Variants in CSGALNACT1 observed in about 807,000 individuals in gnomAD.
CSGALNACT1 encodes beta4GalNAcT-1.
A neutral mutation model predicts 51.0 loss-of-function variants in CSGALNACT1; 52 were observed. That is an observed-to-expected ratio of 1.02 (90% CI 0.82 to 1.29). CSGALNACT1 has a LOEUF of 1.29. CSGALNACT1 is among the 50% of genes most tolerant of loss of function. The pLI, the probability that CSGALNACT1 is intolerant of heterozygous loss-of-function variation, is 0.00. For synonymous variants in CSGALNACT1, 341 were observed against 254.4 expected, an observed-to-expected ratio of 1.34 and a Z score of -3.24; for missense variants, 935 against 679.2, an observed-to-expected ratio of 1.38 and a Z score of -4.19.
At chr8:19,723,603 A>G (rs2063241025) in intron 1 of CSGALNACT1, among the ~76,000 whole-genome samples, 1 of 152,244 alleles carries the variant, frequency 6.6e-6, no homozygotes, top group South Asian at 2.1e-4. Flanking sequence ...ATGAAGAGGA[A>G]GGCACAGCAA....
In CSGALNACT1 at chr8:19,680,160, TG is replaced by T. The variant is rs565381830; in HGVS notation, c.-544+2312del. Among the ~76,000 whole-genome samples the T allele has an allele frequency of 3.0e-3, 458 of 152,314 alleles. 5 individuals are homozygous for T. Among genetic ancestry groups the T allele is most frequent in the Middle Eastern group, 0.014 (4 of 294 alleles). ...TGTAAACTACCTGAAATAGTATAGT[TG>T]GCCCCCTGCATCCATGGGCTCCTCT... On this transcript the variant is annotated intron_variant, in intron 1 of 9. Transcript: ENST00000332246.
chr8:19,615,456 A>T (rs1432657362), intron 1 of CSGALNACT1, among the ~76,000 whole-genome samples: 1 of 152,242 alleles, frequency 6.6e-6, no homozygotes, highest in East Asian at 1.9e-4. Flanking sequence ...AGTCAAACAA[A>T]CCAATTTTAT....
intron 3 of CSGALNACT1, among the ~76,000 whole-genome samples, chr8:19,548,765 T>C (rs1031345771): frequency 2.0e-5 from 3 of 152,224 alleles, no homozygotes; most frequent in African/African-American, 7.2e-5. Flanking sequence ...TCAACTCTTT[T>C]AGCTGTTTTC....
intron 3 of CSGALNACT1, among the ~76,000 whole-genome samples, chr8:19,517,561 C>T (rs921546817): frequency 6.6e-5 from 10 of 152,116 alleles, no homozygotes; most frequent in Non-Finnish European, 8.8e-5. Context: ...AAGACGTGCC[C>T]GAGAGTGGGT....
chr8:19,435,423 G>A (rs1199205028), intron 6 of CSGALNACT1, among the ~76,000 whole-genome samples: 2 of 151,696 alleles, frequency 1.3e-5, no homozygotes, highest in African/African-American at 2.4e-5. Flanking sequence ...AACCCAAGAG[G>A]TGGAGGTTGC....
At chr8:19,413,986 G>A (rs961872141) in intron 8 of CSGALNACT1, among the ~76,000 whole-genome samples, 6 of 152,150 alleles carry the variant, frequency 3.9e-5, no homozygotes, top group Non-Finnish European at 5.9e-5. Flanking sequence ...TCCCAACAAG[G>A]GCTCAGGGCT....
intron 4 of CSGALNACT1, among the ~76,000 whole-genome samples, chr8:19,461,667 G>A (rs137869571): frequency 1.1e-4 from 9 of 81,196 alleles, no homozygotes; most frequent in African/African-American, 2.9e-4. Flanking sequence ...GGGCGTATCC[G>A]CACAGCGGCC....
At chr8:19,587,563 C>T (rs1457426121) in intron 3 of CSGALNACT1, among the ~76,000 whole-genome samples, 1 of 152,158 alleles carries the variant, frequency 6.6e-6, no homozygotes, top group Admixed American at 6.5e-5. Flanking sequence ...AGACTATGCA[C>T]ACATCACTAA....
At chr8:19,542,153 C>T (rs1037850455) in intron 3 of CSGALNACT1, among the ~76,000 whole-genome samples, 2 of 151,222 alleles carry the variant, frequency 1.3e-5, no homozygotes, top group African/African-American at 2.4e-5. Flanking sequence ...TTGATTTAGA[C>T]AAAATTTCAT....
intron 1 of CSGALNACT1, among the ~76,000 whole-genome samples, chr8:19,747,161 C>T (rs2154252060): frequency 6.6e-6 from 1 of 152,196 alleles, no homozygotes; most frequent in South Asian, 2.1e-4. Flanking sequence ...AATTCATCAT[C>T]TTGAGACGAC....
At chr8:19,643,450 A>T (rs2056944706) in intron 1 of CSGALNACT1, among the ~76,000 whole-genome samples, 1 of 152,160 alleles carries the variant, frequency 6.6e-6, no homozygotes, top group East Asian at 1.9e-4. Context: ...TAGCCTGGCC[A>T]ACATGGTGAA....
chr8:19,617,110 G>A lies in CSGALNACT1; in HGVS notation c.-543-15245C>T, dbSNP rs570552411. On this transcript the variant is annotated intron_variant, in intron 1 of 9. Coordinates refer to the CSGALNACT1 transcript ENST00000332246. ...ATGAGAGACAATGACAGATCATCAG[G>A]CATTACAATCTCATAAGGAGCGCAC... Among the ~76,000 whole-genome samples the A allele has an allele frequency of 9.0e-4, 137 of 152,280 alleles. 1 individual carries two copies. Among genetic ancestry groups the A allele is most frequent in the Non-Finnish European group, 1.7e-3 (113 of 68,026 alleles).
chr8:19,714,128 AT>A (rs2062667946), intron 1 of CSGALNACT1, among the ~76,000 whole-genome samples: 1 of 152,204 alleles, frequency 6.6e-6, no homozygotes. Context: ...TTTCTCATCT[AT>A]AAACCTTATC....
rs2153746941 is a variant in CSGALNACT1, at chr8:19,438,785, TCTC to T, written c.953+1042_953+1044del. 2.6e-5 allele frequency among the ~76,000 whole-genome samples: 4 copies of T among 152,288 alleles called. No individual in the cohort carries two copies. The South Asian group carries it at 8.3e-4, about 32-fold the overall frequency. ...TGGCCAGTGGGCTGTAGTTTGCTGATCTCCTGCTTAAGAATGCTTGAATAATTA... is the reference window on the plus strand; with the variant it reads ...TGGCCAGTGGGCTGTAGTTTGCTGATCTGCTTAAGAATGCTTGAATAATTA... On this transcript the variant is annotated intron_variant, in intron 6 of 9. Transcript: ENST00000454498.
intron 1 of CSGALNACT1, among the ~76,000 whole-genome samples, chr8:19,720,678 C>T (rs964826006): frequency 1.2e-4 from 18 of 152,146 alleles, no homozygotes; most frequent in African/African-American, 3.9e-4. Flanking sequence ...TCCACCCTCC[C>T]TCCCCTCTAC....
chr8:19,557,217 CT>C (rs1456369808), intron 3 of CSGALNACT1, among the ~76,000 whole-genome samples: 1 of 152,154 alleles, frequency 6.6e-6, no homozygotes, highest in Non-Finnish European at 1.5e-5. Context: ...TACCCAGAAT[CT>C]CCTGGTCTAC....
chr8:19,435,978 A>G (rs1563379808), intron 6 of CSGALNACT1, among the ~76,000 whole-genome samples: 1 of 152,114 alleles, frequency 6.6e-6, no homozygotes, highest in Non-Finnish European at 1.5e-5. Context: ...ATCCTATCCT[A>G]CTTCACTTTT....
intron 1 of CSGALNACT1, among the ~76,000 whole-genome samples, chr8:19,732,887 G>A (rs544130900): frequency 3.3e-4 from 50 of 152,284 alleles, no homozygotes; most frequent in African/African-American, 1.1e-3. Flanking sequence ...TGATGATAAT[G>A]GATATGTTGT....
intron 2 of CSGALNACT1, among the ~76,000 whole-genome samples, chr8:19,600,144 G>A (rs4457347): frequency 0.69 from 104,439 of 152,036 alleles, 37,888 homozygotes; most frequent in East Asian, 0.84. Flanking sequence ...GTGCAATGGC[G>A]TCATCTTGGC....
Sources: allele counts gnomAD v4.1 joint callset (sites outside exome capture counted in the v4.1 genomes callset), GRCh38; gene constraint gnomAD v4.1.1; transcripts MANE v1.5; gene names NCBI Gene and HGNC (gene_info 2026-07-23, HGNC 2026-07-21).